TTC6: variants seen among roughly 807,000 people sequenced by gnomAD.
The protein encoded by TTC6 is tetratricopeptide repeat domain 6, also known as tetratricopeptide repeat protein 6.
A neutral mutation model predicts 210.4 loss-of-function variants in TTC6; 172 were observed. That is an observed-to-expected ratio of 0.82 (90% CI 0.72 to 0.93). The LOEUF (loss-of-function observed/expected upper bound fraction) is 0.93, where lower values mean the gene tolerates loss of function less well. Ranked by LOEUF, TTC6 falls within the 40% of genes least tolerant of loss-of-function variation. The pLI is 0.00. For synonymous variants in TTC6, 804 were observed against 819.6 expected (o/e 0.98, Z 0.32); for missense variants, 2,414 against 2,318.1 (o/e 1.04, Z -0.85).
chr14:37,754,337 G>A (rs1019269350), intron 14 of TTC6, among the ~76,000 whole-genome samples: 1 of 151,966 alleles, frequency 6.6e-6, no homozygotes, highest in Non-Finnish European at 1.5e-5. Context: ...AACATCCGGT[G>A]TTTGGTTTTC....
rs900709466 is a variant in TTC6, at chr14:37,691,789, C to A, written c.1258-4928C>A. 2.0e-5 allele frequency among the ~76,000 whole-genome samples: 3 copies of A among 151,992 alleles called. No individual in the cohort carries two copies. In the South Asian group the frequency reaches 6.2e-4, roughly 32 times the overall value. Reference sequence around the variant, plus strand: ...TGAAAAGCTAAACAAAATTAATAAACCTTTAGCCAGACTAAGAAAAGAAGA... The same window carrying A: ...TGAAAAGCTAAACAAAATTAATAAAACTTTAGCCAGACTAAGAAAAGAAGA... On this transcript the variant is annotated intron_variant, in intron 3 of 30. Transcript: ENST00000553443.
At chr14:37,596,055 T>G (rs891832006) in intron 1 of TTC6, 47 bp downstream of exon 1, 3 of 151,962 alleles carry the variant, frequency 2.0e-5, no homozygotes, top group Admixed American at 1.3e-4. Flanking sequence ...ACTTTTTTTT[T>G]TTGTTCCGCC....
intron 1 of TTC6, among the ~76,000 whole-genome samples, chr14:37,636,343 C>A (rs1445856094): frequency 1.3e-5 from 2 of 152,118 alleles, no homozygotes; most frequent in African/African-American, 4.8e-5. Context: ...GCCCGTGGAT[C>A]ATATACTAAG....
chr14:37,597,291 T>G (rs1158763684), intron 1 of TTC6, among the ~76,000 whole-genome samples: 2 of 152,158 alleles, frequency 1.3e-5, no homozygotes, highest in Admixed American at 6.5e-5. Flanking sequence ...CGGGGGACTT[T>G]CAGTGCTAAT....
At chr14:37,736,000 C>T (rs1192167869) in exon 8 of TTC6, 2 of 1,524,298 alleles carry the variant, frequency 1.3e-6, no homozygotes, top group East Asian at 2.5e-5. Context: ...CATAGCAGAA[C>T]AAATTTTTGG....
At chr14:37,827,360 T>C in exon 29 of TTC6, 2 of 1,612,118 alleles carry the variant, frequency 1.2e-6, no homozygotes, top group Non-Finnish European at 1.7e-6. Context: ...ACAGGCAGTT[T>C]TCCCAGGTAA....
intron 5 of TTC6, among the ~76,000 whole-genome samples, chr14:37,704,139 C>T (rs750241192): frequency 5.9e-5 from 9 of 152,102 alleles, no homozygotes; most frequent in Non-Finnish European, 1.0e-4. Context: ...TAGGCTGGTG[C>T]GCAATGGCAT....
At chr14:37,633,789 CCTATT>C (rs1245477561) in intron 1 of TTC6, among the ~76,000 whole-genome samples, 1 of 152,114 alleles carries the variant, frequency 6.6e-6, no homozygotes, top group Non-Finnish European at 1.5e-5. Context: ...ATGAGACACT[CCTATT>C]CTTTCCAACT....
intron 14 of TTC6, among the ~76,000 whole-genome samples, chr14:37,780,856 G>T (rs893406534): frequency 9.2e-5 from 14 of 151,992 alleles, no homozygotes; most frequent in African/African-American, 3.4e-4. Flanking sequence ...TCATCTCCCA[G>T]TTATGAGTGA....
chr14:37,799,581 A>G (rs772566928), intron 20 of TTC6, among the ~76,000 whole-genome samples: 18 of 152,102 alleles, frequency 1.2e-4, no homozygotes, highest in Non-Finnish European at 1.8e-4. Context: ...CCATGATTAT[A>G]TTAGGTTATG....
rs374387949 is a variant in TTC6, at chr14:37,759,136, G to A, written c.3266+5901G>A. Among the ~76,000 whole-genome samples the A allele has an allele frequency of 1.7e-4, 26 of 151,974 alleles. 1 individual carries two copies. The highest frequency in any genetic ancestry group is 1.6e-3 in the East Asian group (8 of 5,134). On this transcript the variant is annotated intron_variant, in intron 14 of 30. Coordinates refer to ENST00000553443, the Ensembl canonical transcript of TTC6. ...AAATTAGCCAGGCGTGGTGGCATATGCCTATAGTCCCAGGTACTCAGGAGG... is the reference window on the plus strand; with the variant it reads ...AAATTAGCCAGGCGTGGTGGCATATACCTATAGTCCCAGGTACTCAGGAGG...
At position 37,622,988 on chromosome 14, in the gene TTC6, C is replaced by T. The variant is rs778445021; in HGVS notation, c.924C>T (p.Tyr308=). 16 of 1,473,574 alleles carry T rather than the reference C, an allele frequency of 1.1e-5. 1 individual carries two copies. The South Asian group carries it at 1.7e-4, about 16-fold the overall frequency. 91.3% of individuals were successfully genotyped at this position (1,473,574 alleles called of 1,614,324 possible). Residue 308 remains tyrosine (Y), a synonymous_variant, in exon 1 of 31, where the codon TAC becomes TAT. Transcript: ENST00000553443. ...TACGGAGCGTCCTTGGCCAGAACTA[C>T]GACATTACAATGGAAGTAGGTGAAC... is the stretch of plus-strand genomic sequence containing the variant.
intron 14 of TTC6, among the ~76,000 whole-genome samples, chr14:37,762,180 G>C (rs1179145049): frequency 6.6e-6 from 1 of 151,998 alleles, no homozygotes; most frequent in African/African-American, 2.4e-5. Flanking sequence ...AGGCTGAATA[G>C]TATTTAATTG....
rs115276006 is a variant in TTC6 at position 37,677,481 on chromosome 14, T to C, written c.940-2670T>C. On this transcript the variant is annotated intron_variant, in intron 1 of 30. Coordinates refer to ENST00000553443, the Ensembl canonical transcript of TTC6. ...ATTTTCTGTATATGTGTAATCATAT[T>C]CATTTGCAAATAAAGAGATTTTTTA... 2.1e-3 allele frequency among the ~76,000 whole-genome samples: 317 copies of C among 152,240 alleles called. 2 individuals carry two copies. The highest frequency in any genetic ancestry group is 7.5e-3 in the African/African-American group (310 of 41,558).
rs2096131176 is a variant in TTC6 at position 37,812,247 on chromosome 14, G to GT, written c.4570-64dup. The stretch of plus-strand genomic sequence containing the variant: ...TGGGTCCTAGTTTGGACATAAATAC[G>GT]TTTGTCCATAGCCAATGAATTCAGG... On this transcript the variant is annotated intron_variant, in intron 24 of 30. Coordinates refer to ENST00000553443, the Ensembl canonical transcript of TTC6. 8 of 1,515,178 alleles carry GT rather than the reference G, an allele frequency of 5.3e-6. No individual in the cohort carries two copies. The South Asian group carries it at 1.0e-4, about 19-fold the overall frequency. 93.9% of individuals were successfully genotyped at this position (1,515,178 alleles called of 1,614,324 possible). A position where few individuals can be genotyped will look rare whatever the true frequency, so the allele number is the denominator to read the frequency against.
intron 1 of TTC6, among the ~76,000 whole-genome samples, chr14:37,601,389 T>C (rs969191700): frequency 6.6e-6 from 1 of 152,218 alleles, no homozygotes; most frequent in African/African-American, 2.4e-5. Context: ...TAGTAGACTT[T>C]GAATAAAGAT....
At chr14:37,693,662 C>A (rs998783869) in intron 3 of TTC6, among the ~76,000 whole-genome samples, 2 of 151,952 alleles carry the variant, frequency 1.3e-5, no homozygotes, top group African/African-American at 4.8e-5. Context: ...AACAAAAAAT[C>A]TGGAGGAAAA....
chr14:37,767,917 G>A (rs61977128), intron 14 of TTC6, among the ~76,000 whole-genome samples: 24,554 of 143,012 alleles, frequency 0.17, 2,380 homozygotes, highest in East Asian at 0.35. Context: ...TTTCTTCTAC[G>A]GTTTTTATGG....
chr14:37,698,825 G>A (rs1459480602), intron 4 of TTC6, among the ~76,000 whole-genome samples: 3 of 152,092 alleles, frequency 2.0e-5, no homozygotes, highest in African/African-American at 4.8e-5. Flanking sequence ...ATTTCTGCAG[G>A]CTGGGAATTA....
Sources: allele counts gnomAD v4.1 joint callset (sites outside exome capture counted in the v4.1 genomes callset), GRCh38; gene constraint gnomAD v4.1.1; transcripts MANE v1.5; gene names NCBI Gene and HGNC (gene_info 2026-07-23, HGNC 2026-07-21).